Variants in TNFSF4 observed in about 807,000 individuals in gnomAD.
TNFSF4 encodes the protein tumor necrosis factor ligand superfamily member 4.
Under a neutral mutation model 7.3 loss-of-function variants are expected in TNFSF4, and 4 were observed. The observed-to-expected ratio is 0.55, with a 90% CI of 0.27 to 1.25. TNFSF4 has a LOEUF of 1.25. Ranked by LOEUF, TNFSF4 falls within the 50% of genes most tolerant of loss-of-function variation. TNFSF4 has a pLI of 0.12. For missense variants in TNFSF4, 181 were observed against 208.8 expected, an observed-to-expected ratio of 0.87 and a Z score of 0.82; for synonymous variants, 76 against 83.7, an observed-to-expected ratio of 0.91 and a Z score of 0.50.
chr1:173,322,654 A>G, the TNFSF4 span, among the ~76,000 whole-genome samples: 3 of 152,158 alleles, frequency 2.0e-5, no homozygotes, highest in Non-Finnish European at 4.4e-5. Flanking sequence ...AAGGGGTGGC[A>G]GACGGCACCT....
the TNFSF4 span, among the ~76,000 whole-genome samples, chr1:173,335,164 GAACA>G: frequency 3.3e-5 from 5 of 152,114 alleles, no homozygotes; most frequent in African/African-American, 4.8e-5. Context: ...ATGAAACATG[GAACA>G]AACAGTGGCC....
the TNFSF4 span, among the ~76,000 whole-genome samples, chr1:173,233,354 T>C: frequency 6.6e-6 from 1 of 152,192 alleles, no homozygotes; most frequent in Non-Finnish European, 1.5e-5. Flanking sequence ...TACGTCTGAT[T>C]GGTGTACCTG....
the TNFSF4 span, among the ~76,000 whole-genome samples, chr1:173,431,956 T>C: frequency 6.6e-6 from 1 of 152,130 alleles, no homozygotes; most frequent in African/African-American, 2.4e-5. Flanking sequence ...TTGATAATAG[T>C]AGCAAAGTGA....
At chr1:173,270,287 G>C in the TNFSF4 span, among the ~76,000 whole-genome samples, 15 of 152,120 alleles carry the variant, frequency 9.9e-5, no homozygotes, top group Non-Finnish European at 1.6e-4. Context: ...TAAAGGGAGA[G>C]GTCGAGGCTG....
At chr1:173,223,867 G>A in the TNFSF4 span, among the ~76,000 whole-genome samples, 1 of 152,212 alleles carries the variant, frequency 6.6e-6, no homozygotes, top group Non-Finnish European at 1.5e-5. Context: ...GGGAAAGAAT[G>A]GGTGGTGGCC....
At chr1:173,409,178 C>T in the TNFSF4 span, among the ~76,000 whole-genome samples, 1 of 152,080 alleles carries the variant, frequency 6.6e-6, no homozygotes, top group African/African-American at 2.4e-5. Context: ...GAGCATTCCA[C>T]AGAATAACTG....
chr1:173,200,758 A>G (rs1195778884), intron 1 of TNFSF4, among the ~76,000 whole-genome samples: 1 of 152,214 alleles, frequency 6.6e-6, no homozygotes, highest in African/African-American at 2.4e-5. Context: ...CTGAGGCTAC[A>G]TCACTTAAAC....
At chr1:173,212,369 A>C in the TNFSF4 span, among the ~76,000 whole-genome samples, 1 of 152,180 alleles carries the variant, frequency 6.6e-6, no homozygotes, top group South Asian at 2.1e-4. Context: ...ATAGTCCATA[A>C]GAGCCAGACT....
At chr1:173,195,468 G>A (rs1273063139) in intron 1 of TNFSF4, among the ~76,000 whole-genome samples, 1 of 152,192 alleles carries the variant, frequency 6.6e-6, no homozygotes, top group Non-Finnish European at 1.5e-5. Context: ...TCAGAATTAG[G>A]TTCTTTCTTG....
chr1:173,373,360 C>A, the TNFSF4 span, among the ~76,000 whole-genome samples: 9 of 152,166 alleles, frequency 5.9e-5, no homozygotes, highest in Admixed American at 5.2e-4. Context: ...ATGGAAGGAC[C>A]CTTGGTATGG....
chr1:173,293,979 A>T, the TNFSF4 span, among the ~76,000 whole-genome samples: 1 of 152,000 alleles, frequency 6.6e-6, no homozygotes, highest in South Asian at 2.1e-4. Context: ...GTTATGGAGA[A>T]ATGGGAATGC....
the TNFSF4 span, among the ~76,000 whole-genome samples, chr1:173,278,438 T>A: frequency 6.6e-6 from 1 of 152,134 alleles, no homozygotes; most frequent in Non-Finnish European, 1.5e-5. Context: ...AGGTTCCAAC[T>A]GGCATGGACT....
At chr1:173,261,153 C>G in the TNFSF4 span, among the ~76,000 whole-genome samples, 1 of 152,030 alleles carries the variant, frequency 6.6e-6, no homozygotes, top group African/African-American at 2.4e-5. Context: ...CAGAAAGTAG[C>G]GCAATCAAAT....
At chr1:173,368,974 A>C in the TNFSF4 span, among the ~76,000 whole-genome samples, 4 of 152,154 alleles carry the variant, frequency 2.6e-5, no homozygotes, top group Non-Finnish European at 4.4e-5. Context: ...CAGGCTCACC[A>C]ATAAGAAAGA....
chr1:173,352,503 CT>C, the TNFSF4 span, among the ~76,000 whole-genome samples: 41 of 152,284 alleles, frequency 2.7e-4, no homozygotes, highest in African/African-American at 8.9e-4. Context: ...ATGATGCCCC[CT>C]GAGCTGTAAA....
chr1:173,291,989 A>G, the TNFSF4 span, among the ~76,000 whole-genome samples: 2 of 150,200 alleles, frequency 1.3e-5, no homozygotes, highest in Non-Finnish European at 1.5e-5. Flanking sequence ...AATCAATAAT[A>G]AAAAAAAATC....
intron 1 of TNFSF4, among the ~76,000 whole-genome samples, chr1:173,203,817 TTCAGTGAGGTTTC>T (rs1650052517): frequency 6.6e-6 from 1 of 152,236 alleles, no homozygotes; most frequent in Admixed American, 6.5e-5. Flanking sequence ...TTTCAATGGT[TTCAGTGAGGTTTC>T]TCACACCTTA....
chr1:173,338,782 C>CT, the TNFSF4 span, among the ~76,000 whole-genome samples: 1 of 152,096 alleles, frequency 6.6e-6, no homozygotes, highest in African/African-American at 2.4e-5. Context: ...GGGTGGAATG[C>CT]TACAACGATT....
intron 1 of TNFSF4, among the ~76,000 whole-genome samples, chr1:173,200,717 G>A (rs1201743891): frequency 6.6e-6 from 1 of 152,142 alleles, no homozygotes; most frequent in Non-Finnish European, 1.5e-5. Context: ...TTTCTAGGAT[G>A]AAGGTCTGGC....
Sources: allele counts gnomAD v4.1 joint callset (sites outside exome capture counted in the v4.1 genomes callset), GRCh38; gene constraint gnomAD v4.1.1; transcripts MANE v1.5; gene names NCBI Gene and HGNC (gene_info 2026-07-23, HGNC 2026-07-21).